The following UGT2B7 variants were observed in gnomAD, a reference collection of about 807,000 sequenced individuals.
UGT2B7 encodes the protein UDP-glucuronosyltransferase 2B7.
A neutral mutation model predicts 51.9 loss-of-function variants in UGT2B7; 51 were observed. The observed-to-expected ratio is 0.98, with a 90% CI of 0.78 to 1.24. The LOEUF (loss-of-function observed/expected upper bound fraction) is 1.24, where lower values mean the gene tolerates loss of function less well. Ranked by LOEUF, UGT2B7 falls within the 50% of genes most tolerant of loss-of-function variation. UGT2B7 has a pLI of 0.00. For synonymous variants in UGT2B7, 225 were observed against 211.6 expected (o/e 1.06, Z -0.55); for missense variants, 727 against 628.4 (o/e 1.16, Z -1.68).
At chr4:69,055,538 A>T (rs941968220) in intron 1 of UGT2B7, among the ~76,000 whole-genome samples, 17 of 152,218 alleles carry the variant, frequency 1.1e-4, no homozygotes, top group African/African-American at 4.1e-4. Context: ...ACTATCCAGA[A>T]CCAGTATTTC....
Position 69,112,839 on chromosome 4 carries a change from A to C in UGT2B7, c.*103A>C. 7.6e-7 allele frequency: 1 copy of C among 1,318,062 alleles called. No homozygotes were observed. The highest frequency in any genetic ancestry group is 1.0e-6 in the Non-Finnish European group (1 of 1,003,100). 81.6% of individuals were successfully genotyped at this position (1,318,062 alleles called of 1,614,324 possible). On this transcript the variant is annotated 3_prime_UTR_variant, in exon 6 of 6. Transcript: ENST00000305231. The stretch of plus-strand genomic sequence containing the variant: ...CAAGATTTCTTTCTTCCTGAGACAA[A>C]AAAAAAAAAAGAAAAAAAAATCTTT...
At chr4:69,068,629 T>A (rs1244968637) in intron 1 of UGT2B7, among the ~76,000 whole-genome samples, 1 of 151,958 alleles carries the variant, frequency 6.6e-6, no homozygotes, top group African/African-American at 2.4e-5. Flanking sequence ...ACACACATTG[T>A]CTTGGTTATT....
At chr4:69,091,347 A>G (rs1260136725) in intron 2 of UGT2B7, among the ~76,000 whole-genome samples, 2 of 152,184 alleles carry the variant, frequency 1.3e-5, no homozygotes, top group Admixed American at 1.3e-4. Context: ...GGAATGAAAG[A>G]AAGTGTGTGT....
chr4:69,104,761 G>A (rs769962138), intron 3 of UGT2B7, among the ~76,000 whole-genome samples: 2 of 152,098 alleles, frequency 1.3e-5, no homozygotes, highest in Non-Finnish European at 2.9e-5. Flanking sequence ...TTAGGGCACT[G>A]TACACACTAC....
intron 1 of UGT2B7, among the ~76,000 whole-genome samples, chr4:69,082,918 C>A (rs544078205): frequency 1.3e-5 from 2 of 152,128 alleles, no homozygotes; most frequent in East Asian, 3.9e-4. Flanking sequence ...CTGACTCTTT[C>A]GTTAGTGGCT....
intron 2 of UGT2B7, among the ~76,000 whole-genome samples, chr4:69,101,527 A>G (rs1277410574): frequency 4.6e-5 from 7 of 152,152 alleles, no homozygotes; most frequent in Non-Finnish European, 8.8e-5. Context: ...GAAACACTGA[A>G]CACCAGTTAC....
chr4:69,088,615 C>G (rs1484398059), intron 1 of UGT2B7, among the ~76,000 whole-genome samples: 2 of 152,104 alleles, frequency 1.3e-5, no homozygotes, highest in Non-Finnish European at 2.9e-5. Flanking sequence ...AAGATTCAGG[C>G]CTTCCTTTGG....
chr4:69,106,342 A>G (rs764603447), intron 3 of UGT2B7, among the ~76,000 whole-genome samples: 34 of 152,142 alleles, frequency 2.2e-4, no homozygotes, highest in Non-Finnish European at 4.3e-4. Context: ...ATAAGTGAGG[A>G]CATGCCATAT....
intron 1 of UGT2B7, among the ~76,000 whole-genome samples, chr4:69,055,391 C>A (rs1718163062): frequency 1.3e-5 from 2 of 148,532 alleles, no homozygotes; most frequent in Admixed American, 6.7e-5. Flanking sequence ...TGAGTAGGAG[C>A]TGCAACCTTT....
At chr4:69,064,100 A>AAGAAAGAGAG (rs1718431389) in intron 1 of UGT2B7, among the ~76,000 whole-genome samples, 1 of 104,722 alleles carries the variant, frequency 9.5e-6, no homozygotes, top group Non-Finnish European at 1.9e-5. Flanking sequence ...AAGAAAGAGA[A>AAGAAAGAGAG]AGAAAGAAAG....
rs543169852 is a variant in UGT2B7, at chr4:69,108,201, G to T, written c.1189G>T (p.Ala397Ser). Residue 397 changes from alanine (A) to serine (S), a missense_variant, in exon 5 of 6, where the codon GCC (alanine) becomes TCC (serine). By Grantham distance (99) the Ala-to-Ser change is moderately conservative. Transcript: ENST00000305231. ...CCCTATGGTGGGGATTCCATTGTTT[G>T]CCGATCAACCTGATAACATTGCTCA... ...GIPMVGIPLF[A>S]DQPDNIAHMK... 2.5e-6 allele frequency: 4 copies of T among 1,613,766 alleles called. No homozygotes were observed. Among genetic ancestry groups the T allele is most frequent in the South Asian group, 1.1e-5 (1 of 91,062 alleles).
At chr4:69,064,019 GGAAAGAAAGAAAGAAAGAAA>G (rs71204072) in intron 1 of UGT2B7, among the ~76,000 whole-genome samples, 164 of 60,206 alleles carry the variant, frequency 2.7e-3, no homozygotes, top group Middle Eastern at 8.5e-3. Flanking sequence ...AGATGAGATG[GGAAAGAAAGAAAGAAAGAAA>G]GAAAGAAAGA....
At chr4:69,071,869 T>C (rs1450903767) in intron 1 of UGT2B7, among the ~76,000 whole-genome samples, 1 of 152,058 alleles carries the variant, frequency 6.6e-6, no homozygotes, top group African/African-American at 2.4e-5. Context: ...CAAATATTAG[T>C]CTGGGGAAAT....
intron 2 of UGT2B7, among the ~76,000 whole-genome samples, chr4:69,101,407 A>G (rs1385368054): frequency 6.6e-6 from 1 of 152,064 alleles, no homozygotes; most frequent in Non-Finnish European, 1.5e-5. Context: ...TTATTATGTT[A>G]TCACAGAAGA....
intron 3 of UGT2B7, among the ~76,000 whole-genome samples, chr4:69,105,790 G>T (rs1449027272): frequency 6.6e-6 from 1 of 152,076 alleles, no homozygotes; most frequent in African/African-American, 2.4e-5. Context: ...AACCTTTGCA[G>T]CATTAATCTA....
chr4:69,052,275 C>T (rs111724091), intron 1 of UGT2B7, among the ~76,000 whole-genome samples: 2 of 151,948 alleles, frequency 1.3e-5, no homozygotes, highest in East Asian at 1.9e-4. Flanking sequence ...CCCTTCCCCC[C>T]CAACAGTAGT....
chr4:69,061,037 G>C (rs1227115256), intron 1 of UGT2B7, among the ~76,000 whole-genome samples: 1 of 152,138 alleles, frequency 6.6e-6, no homozygotes, highest in Non-Finnish European at 1.5e-5. Flanking sequence ...GATGGGAGCA[G>C]CTTCATACTA....
At chr4:69,090,253 T>TTTATTCA in intron 2 of UGT2B7, among the ~76,000 whole-genome samples, 1 of 152,176 alleles carries the variant, frequency 6.6e-6, no homozygotes, top group Non-Finnish European at 1.5e-5. Flanking sequence ...TAATGTTTAA[T>TTTATTCA]TAAAGTTCAT....
intron 1 of UGT2B7, among the ~76,000 whole-genome samples, chr4:69,055,098 TAAAAAAAAAAAAAAAAAA>T (rs1178892377): frequency 4.4e-5 from 1 of 22,548 alleles, no homozygotes; most frequent in East Asian, 2.1e-3. Flanking sequence ...AAGTAATAGC[TAAAAAAAAAAAAAAAAAA>T]AAAAAAAAAA....
Sources: gnomAD v4.1 joint callset for allele counts (sites outside exome capture counted in the v4.1 genomes callset) on GRCh38, gnomAD v4.1.1 for gene constraint, MANE v1.5 for transcripts, NCBI Gene and HGNC (gene_info 2026-07-23, HGNC 2026-07-21) for gene names.